GOT2: variants seen among roughly 807,000 people sequenced by gnomAD.
GOT2 encodes glutamic-oxaloacetic transaminase 2.
Under a neutral mutation model 50.0 loss-of-function variants are expected in GOT2, and 17 were observed. The observed-to-expected ratio is 0.34, with a 90% CI of 0.23 to 0.51. The LOEUF (loss-of-function observed/expected upper bound fraction) is 0.51. Ranked by LOEUF, GOT2 falls within the 20% of genes least tolerant of loss-of-function variation. The pLI, the probability that GOT2 is intolerant of heterozygous loss-of-function variation, is 0.97. For missense variants in GOT2, 430 were observed against 559.6 expected (o/e 0.77, Z 2.34); for synonymous variants, 172 against 204.9 (o/e 0.84, Z 1.37).
Position 58,734,298 on chromosome 16 carries a change from A to G in GOT2, c.-70T>C. On this transcript the variant is annotated 5_prime_UTR_variant, in exon 1 of 10. Transcript: ENST00000245206. Reference sequence around the variant, plus strand: ...GGGCGAGCGGACACACACACAGGGAACCGGCTCCTGCTGAAGGTAAGGACA... The same window carrying G: ...GGGCGAGCGGACACACACACAGGGAGCCGGCTCCTGCTGAAGGTAAGGACA... The G allele has an allele frequency of 3.6e-6, 3 of 834,016 alleles. No homozygotes were observed. Among genetic ancestry groups the G allele is most frequent in the Non-Finnish European group, 4.9e-6 (3 of 614,238 alleles). 51.7% of individuals were successfully genotyped at this position (834,016 alleles called of 1,614,324 possible).
intron 4 of GOT2, 47 bp from the exon 5 acceptor site, chr16:58,718,735 CA>C: frequency 4.1e-6 from 6 of 1,451,176 alleles, no homozygotes; most frequent in South Asian, 1.3e-5. Flanking sequence ...AAAGGAGAGG[CA>C]AAAAAATGTT....
chr16:58,731,836 A>T (rs772112639), intron 1 of GOT2, among the ~76,000 whole-genome samples: 1 of 152,242 alleles, frequency 6.6e-6, no homozygotes, highest in Non-Finnish European at 1.5e-5. Flanking sequence ...AGAAATGTCG[A>T]TGAATTCAGT....
intron 8 of GOT2, 148 bp from the exon 9 acceptor site, chr16:58,709,715 G>A: frequency 1.7e-6 from 1 of 593,228 alleles, no homozygotes; most frequent in Non-Finnish European, 2.9e-6. Context: ...ACTGGCCAGG[G>A]AAGAAAGCTA....
At chr16:58,715,979 C>T in intron 8 of GOT2, 35 bp downstream of exon 8, 1 of 1,555,318 alleles carries the variant, frequency 6.4e-7, no homozygotes. Flanking sequence ...GTGGTGGGAA[C>T]AGGTAGGTGG....
At position 58,718,593 on chromosome 16, in the gene GOT2, T is replaced by C. The variant is rs572936213; in HGVS notation, c.531A>G (p.Gln177=). Residue 177 remains glutamine (Q), a synonymous_variant, in exon 5 of 10, where the codon CAA becomes CAG. Transcript: ENST00000245206. ...TCTTGGGGTCATAATACCGATAACC[T>C]TGTAGCTGCATGCCAGCATCCCTGA... ...PIFRDAGMQL[Q]GYRYYDPKTC... 1.2e-6 allele frequency: 2 copies of C among 1,611,628 alleles called. No homozygotes were observed. The highest frequency in any genetic ancestry group is 2.7e-5 in the African/African-American group (2 of 74,954).
At chr16:58,716,485 A>G in intron 7 of GOT2, 178 bp downstream of exon 7, 1 of 642,208 alleles carries the variant, frequency 1.6e-6, no homozygotes. Flanking sequence ...CGAAGAATAT[A>G]TGGCTAAGAA....
chr16:58,725,446 C>T (rs2044776293), intron 1 of GOT2, among the ~76,000 whole-genome samples: 3 of 152,158 alleles, frequency 2.0e-5, no homozygotes, highest in Admixed American at 6.5e-5. Flanking sequence ...TTTAGGGTAA[C>T]TTACACTTTT....
intron 3 of GOT2, 146 bp from the exon 4 acceptor site, chr16:58,719,401 C>G (rs73549297): frequency 0.051 from 29,128 of 569,350 alleles, 2,256 homozygotes; most frequent in East Asian, 0.26. Context: ...ACACGGGAAA[C>G]TTTCAGAACA....
At chr16:58,729,430 G>C (rs1357017473) in intron 1 of GOT2, among the ~76,000 whole-genome samples, 1 of 150,598 alleles carries the variant, frequency 6.6e-6, no homozygotes, top group African/African-American at 2.5e-5. Context: ...AGGAGGCTGA[G>C]GTGGGAGGGT....
At chr16:58,728,570 G>A (rs1292905863) in intron 1 of GOT2, among the ~76,000 whole-genome samples, 3 of 152,202 alleles carry the variant, frequency 2.0e-5, no homozygotes, top group Non-Finnish European at 4.4e-5. Context: ...ACCAAATGCA[G>A]GTCCTTTCTG....
chr16:58,719,928 G>A (rs1290847508), intron 3 of GOT2, among the ~76,000 whole-genome samples: 3 of 152,024 alleles, frequency 2.0e-5, no homozygotes, highest in Non-Finnish European at 4.4e-5. Context: ...CTGGCCGGGC[G>A]CAGTGGCTTA....
At chr16:58,711,713 CCCCT>C (rs2044650263) in intron 8 of GOT2, among the ~76,000 whole-genome samples, 2 of 152,258 alleles carry the variant, frequency 1.3e-5, no homozygotes, top group African/African-American at 4.8e-5. Context: ...GAGCCCCTGG[CCCCT>C]CCAGTTATGG....
chr16:58,720,297 C>T (rs966137224), intron 3 of GOT2, among the ~76,000 whole-genome samples: 1 of 152,104 alleles, frequency 6.6e-6, no homozygotes, highest in Non-Finnish European at 1.5e-5. Flanking sequence ...AGGAAGATGC[C>T]TAAGGTGAAT....
chr16:58,723,415 A>C (rs257632), intron 2 of GOT2, among the ~76,000 whole-genome samples: 105,054 of 151,696 alleles, frequency 0.69, 36,911 homozygotes, highest in Middle Eastern at 0.86. Flanking sequence ...ATTCCTCTCA[A>C]CAAGAGACAG....
In GOT2 at chr16:58,709,525, C is replaced by T. The variant is rs781362738; in HGVS notation, c.1062G>A (p.Met354Ile). The change falls in exon 9 of 10, where the codon ATG becomes ATA. Residue 354 changes from methionine to isoleucine, a missense_variant. Physicochemically the swap from Met to Ile is conservative, Grantham distance 10. Transcript: ENST00000245206. ...TGAGGTTGGAGACCAGTTGAGTCCG[C>T]ATGCCAATGATGCGGTCAGCCATGA... Reference protein sequence around the residue: ...VKVMADRIIGMRTQLVSNLKK... With the variant: ...VKVMADRIIGIRTQLVSNLKK... 2 of 1,613,434 alleles carry T rather than the reference C, an allele frequency of 1.2e-6. No homozygotes were observed. Among genetic ancestry groups the T allele is most frequent in the Non-Finnish European group, 1.7e-6 (2 of 1,179,414 alleles).
chr16:58,708,451 T>C lies in GOT2; in HGVS notation c.1171-158A>G, dbSNP rs181130141. 2.0e-3 allele frequency among the ~76,000 whole-genome samples: 298 copies of C among 152,200 alleles called. 1 individual carries two copies. The highest frequency in any genetic ancestry group is 0.01 in the Middle Eastern group (3 of 294). On this transcript the variant is annotated intron_variant, in intron 9 of 9. Coordinates refer to ENST00000245206, the MANE Select transcript of GOT2 (RefSeq NM_002080.4). ...TTGGAATAAAATAAGAATAAAAAGC[T>C]ACTTTAAGGCTGGGGCGGTGGCTCA...
intron 8 of GOT2, among the ~76,000 whole-genome samples, chr16:58,715,253 G>T (rs1426095188): frequency 6.6e-6 from 1 of 152,094 alleles, no homozygotes; most frequent in Non-Finnish European, 1.5e-5. Context: ...ACAAAAATAT[G>T]ATGTTTTTAA....
chr16:58,712,712 T>A lies in GOT2; in HGVS notation c.1020-3145A>T, dbSNP rs190495554. Among the ~76,000 whole-genome samples, 1,195 of 152,316 alleles carry A rather than the reference T, an allele frequency of 7.8e-3. 9 individuals carry two copies. The highest frequency in any genetic ancestry group is 8.8e-3 in the Non-Finnish European group (598 of 68,028). On this transcript the variant is annotated intron_variant, in intron 8 of 9. Coordinates refer to ENST00000245206, the MANE Select transcript of GOT2 (RefSeq NM_002080.4). Reference sequence around the variant, plus strand: ...TAACCAGAGAATATGAAAATATTTTTAAAAACATTGAAAATATTAAGTAAA... The same window carrying A: ...TAACCAGAGAATATGAAAATATTTTAAAAAACATTGAAAATATTAAGTAAA...
At chr16:58,712,734 TA>T (rs2044659583) in intron 8 of GOT2, among the ~76,000 whole-genome samples, 1 of 151,990 alleles carries the variant, frequency 6.6e-6, no homozygotes, top group Non-Finnish European at 1.5e-5. Context: ...AAATATTAAG[TA>T]AAAAAGCTTA....
Sources: allele counts gnomAD v4.1 joint callset (sites outside exome capture counted in the v4.1 genomes callset), GRCh38; gene constraint gnomAD v4.1.1; transcripts MANE v1.5; gene names NCBI Gene and HGNC (gene_info 2026-07-23, HGNC 2026-07-21).